Variants in HSD17B12 observed in about 807,000 individuals in gnomAD.
HSD17B12 encodes the protein very-long-chain 3-oxoacyl-CoA reductase.
In HSD17B12, 32 loss-of-function variants were observed where a neutral mutation model predicts 39.3. The ratio of observed to expected loss-of-function variants is 0.81; its 90% CI spans 0.61 to 1.09. The LOEUF is 1.09. Ranked by LOEUF, HSD17B12 falls within the 50% of genes least tolerant of loss-of-function variation. The pLI, the probability that HSD17B12 is intolerant of heterozygous loss-of-function variation, is 0.00. For missense variants in HSD17B12, 342 were observed against 382.9 expected, an observed-to-expected ratio of 0.89 and a Z score of 0.89; for synonymous variants, 150 against 146.7, an observed-to-expected ratio of 1.02 and a Z score of -0.16.
Position 43,815,455 on chromosome 11 carries a change from C to T in HSD17B12, c.410C>T (p.Ser137Leu), listed in dbSNP as rs139137773. Residue 137 changes from serine (S) to leucine (L), a missense_variant, in exon 5 of 11, where the codon TCG (serine) becomes TTG (leucine). Transcript: ENST00000278353. ...ATTTCAGTGAACAACGTGGGAATGT[C>T]GTATGAGTATCCTGAATACTTTTTG... ...IGILVNNVGM[S>L]YEYPEYFLDV... 36 of 1,574,616 alleles carry T rather than the reference C, an allele frequency of 2.3e-5. No homozygotes were observed. The highest frequency in any genetic ancestry group is 1.5e-4 in the African/African-American group (11 of 74,510).
chr11:43,731,107 C>G (rs1590701290), intron 1 of HSD17B12, among the ~76,000 whole-genome samples: 1 of 152,124 alleles, frequency 6.6e-6, no homozygotes, highest in East Asian at 1.9e-4. Context: ...AGCGATTCTC[C>G]TGCCTCAGCC....
chr11:43,584,856 ACAGTACCTACCG>A, the HSD17B12 span, among the ~76,000 whole-genome samples: 3 of 152,228 alleles, frequency 2.0e-5, no homozygotes, highest in African/African-American at 7.2e-5. Flanking sequence ...AAGGAAGGAC[ACAGTACCTACCG>A]CATAAGGCAT....
At chr11:43,580,080 G>A in the HSD17B12 span, among the ~76,000 whole-genome samples, 4 of 151,690 alleles carry the variant, frequency 2.6e-5, no homozygotes, top group South Asian at 6.3e-4. Flanking sequence ...GGGGGGGAGG[G>A]GCAGGAGAGG....
At chr11:43,631,116 T>C in the HSD17B12 span, among the ~76,000 whole-genome samples, 1 of 152,216 alleles carries the variant, frequency 6.6e-6, no homozygotes, top group Admixed American at 6.5e-5. Context: ...ATAATTTCTT[T>C]TTTAAAAAAA....
At chr11:43,724,047 A>G (rs191126184) in intron 1 of HSD17B12, 9 of 152,224 alleles carry the variant, frequency 5.9e-5, no homozygotes, top group South Asian at 2.1e-4. Flanking sequence ...TCATTCATCT[A>G]TCTGCATCTG....
At chr11:43,567,931 T>A in the HSD17B12 span, among the ~76,000 whole-genome samples, 6 of 152,266 alleles carry the variant, frequency 3.9e-5, no homozygotes, top group Non-Finnish European at 7.3e-5. Flanking sequence ...TTCTTATGAT[T>A]CTCCTGAGTG....
the HSD17B12 span, among the ~76,000 whole-genome samples, chr11:43,596,301 C>T: frequency 6.6e-6 from 1 of 152,126 alleles, no homozygotes. Flanking sequence ...TAGAACTGTT[C>T]ACCCTGATGA....
chr11:43,582,247 C>T, the HSD17B12 span, among the ~76,000 whole-genome samples: 1 of 152,192 alleles, frequency 6.6e-6, no homozygotes, highest in Non-Finnish European at 1.5e-5. Flanking sequence ...GCGGTTGTGC[C>T]CGACTCAGAC....
chr11:43,818,340 C>A (rs948989979), intron 6 of HSD17B12, among the ~76,000 whole-genome samples: 15 of 152,122 alleles, frequency 9.9e-5, no homozygotes, highest in Non-Finnish European at 2.1e-4. Flanking sequence ...AGTCATGTCA[C>A]ATGTATGTGC....
chr11:43,650,118 T>C, the HSD17B12 span, among the ~76,000 whole-genome samples: 2 of 152,294 alleles, frequency 1.3e-5, no homozygotes, highest in African/African-American at 4.8e-5. Context: ...TCTAAGGTTG[T>C]GGGTGGTTTG....
At chr11:43,829,831 T>C (rs912573987) in intron 6 of HSD17B12, 1 of 152,152 alleles carries the variant, frequency 6.6e-6, no homozygotes, top group African/African-American at 2.4e-5. Flanking sequence ...TTATAATACT[T>C]TAGCTAAGCA....
the HSD17B12 span, among the ~76,000 whole-genome samples, chr11:43,624,815 A>C: frequency 6.6e-6 from 1 of 151,868 alleles, no homozygotes; most frequent in Non-Finnish European, 1.5e-5. Context: ...GAAACATATC[A>C]GATATTGAAA....
intron 3 of HSD17B12, among the ~76,000 whole-genome samples, chr11:43,792,704 T>TTTTTTTA (rs1950879223): frequency 6.9e-6 from 1 of 144,158 alleles, no homozygotes; most frequent in Non-Finnish European, 1.5e-5. Context: ...TTTTTTTTTT[T>TTTTTTTA]GAGAGCTGGA....
At chr11:43,699,899 G>A (rs145827547) in intron 1 of HSD17B12, among the ~76,000 whole-genome samples, 1 of 152,318 alleles carries the variant, frequency 6.6e-6, no homozygotes, top group Non-Finnish European at 1.5e-5. Context: ...TCAGAGAAAT[G>A]CAAGTCAAAA....
the HSD17B12 span, among the ~76,000 whole-genome samples, chr11:43,596,130 A>G: frequency 2.0e-5 from 3 of 152,222 alleles, no homozygotes; most frequent in East Asian, 5.8e-4. Flanking sequence ...GCCTCAGGCA[A>G]TCCTCTCACC....
the HSD17B12 span, chr11:43,646,395 C>G: frequency 6.6e-6 from 1 of 152,086 alleles, no homozygotes; most frequent in African/African-American, 2.4e-5. Context: ...CCATATTGTC[C>G]ATATTTGTTA....
the HSD17B12 span, among the ~76,000 whole-genome samples, chr11:43,626,733 A>G: frequency 6.6e-6 from 1 of 152,022 alleles, no homozygotes; most frequent in East Asian, 1.9e-4. Flanking sequence ...ACTTTGATGC[A>G]AATTGTAACT....
chr11:43,644,792 T>A, the HSD17B12 span: 3 of 152,536 alleles, frequency 2.0e-5, no homozygotes, highest in African/African-American at 7.2e-5. Context: ...GATCGTGTGG[T>A]TGGCTTTCCC....
chr11:43,783,604 C>G (rs72892474), intron 3 of HSD17B12, among the ~76,000 whole-genome samples: 17,350 of 151,730 alleles, frequency 0.11, 1,166 homozygotes, highest in Middle Eastern at 0.18. Flanking sequence ...GTGATGCGCC[C>G]TTCCCTGTGT....
Sources: allele counts gnomAD v4.1 joint callset (sites outside exome capture counted in the v4.1 genomes callset), GRCh38; gene constraint gnomAD v4.1.1; transcripts MANE v1.5; gene names NCBI Gene and HGNC (gene_info 2026-07-23, HGNC 2026-07-21).